Variants in PALM2AKAP2 observed in about 807,000 individuals in gnomAD.
PALM2AKAP2 encodes PALM2-AKAP2 fusion protein.
PALM2AKAP2 carries 37 observed loss-of-function variants against 71.5 expected under a neutral mutation model. The observed-to-expected ratio is 0.52, with a 90% CI of 0.40 to 0.68. The LOEUF is 0.68. Ranked by LOEUF, PALM2AKAP2 falls within the 30% of genes least tolerant of loss-of-function variation. PALM2AKAP2 has a pLI of 0.00. For synonymous variants in PALM2AKAP2, 468 were observed against 478.8 expected, an observed-to-expected ratio of 0.98 and a Z score of 0.29; for missense variants, 1,224 against 1,191.8, an observed-to-expected ratio of 1.03 and a Z score of -0.40.
exon 4 of PALM2AKAP2, chr9:110,170,279 A>C (rs1409485591): frequency 6.6e-6 from 1 of 152,570 alleles, no homozygotes; most frequent in Non-Finnish European, 1.5e-5. Flanking sequence ...AAAAGCAATA[A>C]TTAACTCAGA....
At chr9:110,121,145 C>G (rs983004405) in intron 1 of PALM2AKAP2, among the ~76,000 whole-genome samples, 1 of 152,166 alleles carries the variant, frequency 6.6e-6, no homozygotes, top group Non-Finnish European at 1.5e-5. Context: ...TCATTTTCCC[C>G]TTAATAAATT....
At chr9:110,115,054 C>T (rs550506427) in intron 1 of PALM2AKAP2, among the ~76,000 whole-genome samples, 5 of 152,348 alleles carry the variant, frequency 3.3e-5, no homozygotes, top group Admixed American at 2.6e-4. Context: ...GGAGAAATTC[C>T]ATGCTTTCCT....
intron 3 of PALM2AKAP2, among the ~76,000 whole-genome samples, chr9:109,882,416 A>G (rs572377533): frequency 3.9e-5 from 6 of 152,322 alleles, no homozygotes; most frequent in African/African-American, 1.4e-4. Context: ...GCCAAGAAAA[A>G]GTTTGGAGGG....
chr9:109,862,774 A>G (rs1829346462), intron 1 of PALM2AKAP2: 1 of 450,270 alleles, frequency 2.2e-6, no homozygotes, highest in African/African-American at 2.0e-5. Flanking sequence ...TTAAAGCTTC[A>G]TGGATATTTA....
chr9:110,002,872 G>T (rs1167809814), intron 6 of PALM2AKAP2, among the ~76,000 whole-genome samples: 6 of 152,104 alleles, frequency 3.9e-5, no homozygotes, highest in Non-Finnish European at 7.4e-5. Flanking sequence ...AGGATTGGTG[G>T]TGATATCCCC....
chr9:109,867,435 A>C, intron 1 of PALM2AKAP2, 56 bp from the exon 2 acceptor site: 1 of 1,597,728 alleles, frequency 6.3e-7, no homozygotes, highest in Non-Finnish European at 8.5e-7. Flanking sequence ...TCTGCCTTAA[A>C]ATTTCTGGAG....
At chr9:109,730,708 A>G (rs1258796411) in intron 1 of PALM2AKAP2, among the ~76,000 whole-genome samples, 2 of 152,210 alleles carry the variant, frequency 1.3e-5, no homozygotes, top group Admixed American at 1.3e-4. Flanking sequence ...TAGGATATGA[A>G]TAAGAAGAGT....
intron 1 of PALM2AKAP2, among the ~76,000 whole-genome samples, chr9:109,793,116 C>A (rs1827162525): frequency 6.6e-6 from 1 of 152,192 alleles, no homozygotes; most frequent in Non-Finnish European, 1.5e-5. Context: ...GGAGATAGGG[C>A]AAGTGTTGGA....
chr9:110,086,669 A>G (rs1281278611), intron 1 of PALM2AKAP2, among the ~76,000 whole-genome samples: 3 of 152,200 alleles, frequency 2.0e-5, no homozygotes, highest in Admixed American at 6.5e-5. Flanking sequence ...TTTGGCAGCC[A>G]TATCACTTTT....
intron 1 of PALM2AKAP2, among the ~76,000 whole-genome samples, chr9:109,798,283 T>C (rs919735853): frequency 3.9e-5 from 6 of 152,056 alleles, no homozygotes; most frequent in Non-Finnish European, 7.4e-5. Context: ...GTACTGGGGG[T>C]TAGGACTTCA....
At chr9:110,008,459 A>C (rs2132309029) in intron 6 of PALM2AKAP2, among the ~76,000 whole-genome samples, 1 of 151,696 alleles carries the variant, frequency 6.6e-6, no homozygotes, top group East Asian at 1.9e-4. Flanking sequence ...TATTTAATAA[A>C]AAAGAAAGTA....
At chr9:110,068,536 T>A (rs62580255) in intron 1 of PALM2AKAP2, among the ~76,000 whole-genome samples, 3,047 of 147,798 alleles carry the variant, frequency 0.021, 75 homozygotes, top group Non-Finnish European at 0.033. Context: ...AAAAAAAATT[T>A]AATTTTTTTT....
chr9:109,734,230 A>G (rs760461753), intron 1 of PALM2AKAP2, among the ~76,000 whole-genome samples: 1 of 152,150 alleles, frequency 6.6e-6, no homozygotes, highest in Non-Finnish European at 1.5e-5. Flanking sequence ...TAAATGTTTT[A>G]AGAATTTGTA....
At chr9:109,986,424 C>G (rs1054784573) in intron 6 of PALM2AKAP2, among the ~76,000 whole-genome samples, 1 of 152,144 alleles carries the variant, frequency 6.6e-6, no homozygotes, top group Non-Finnish European at 1.5e-5. Context: ...CTATAAGCAC[C>G]TCCTATGAAA....
intron 6 of PALM2AKAP2, among the ~76,000 whole-genome samples, chr9:109,974,667 G>A (rs913098975): frequency 3.9e-5 from 6 of 152,302 alleles, no homozygotes; most frequent in Non-Finnish European, 5.9e-5. Flanking sequence ...AAAGTGTACC[G>A]CAATAGTAAG....
At chr9:109,819,033 C>A (rs912513551) in intron 1 of PALM2AKAP2, among the ~76,000 whole-genome samples, 2 of 152,106 alleles carry the variant, frequency 1.3e-5, no homozygotes, top group African/African-American at 2.4e-5. Context: ...TGCAGAGTCC[C>A]AATTTGAGAA....
At chr9:110,061,782 G>A (rs1833970918) in intron 1 of PALM2AKAP2, among the ~76,000 whole-genome samples, 2 of 140,290 alleles carry the variant, frequency 1.4e-5, no homozygotes, top group South Asian at 2.1e-4. Flanking sequence ...CCAGTAATCT[G>A]CCTGCCTCGG....
chr9:109,942,683 A>G (rs1024165826), intron 6 of PALM2AKAP2: 1 of 1,543,600 alleles, frequency 6.5e-7, no homozygotes, highest in African/African-American at 1.4e-5. Flanking sequence ...GTTTTCATTC[A>G]AGCTGTGTAC....
At chr9:109,656,951 T>C (rs149635250) in intron 1 of PALM2AKAP2, among the ~76,000 whole-genome samples, 10 of 152,358 alleles carry the variant, frequency 6.6e-5, no homozygotes, top group African/African-American at 1.2e-4. Context: ...CATTTGAGTT[T>C]AGGAGCTAAG....
Sources: allele counts gnomAD v4.1 joint callset (sites outside exome capture counted in the v4.1 genomes callset), GRCh38; gene constraint gnomAD v4.1.1; transcripts MANE v1.5; gene names NCBI Gene and HGNC (gene_info 2026-07-23, HGNC 2026-07-21).